Variants in GOLGA4 observed in about 807,000 individuals in gnomAD.
GOLGA4 encodes golgin A4.
A neutral mutation model predicts 265.9 loss-of-function variants in GOLGA4; 169 were observed. The observed-to-expected ratio is 0.64, with a 90% CI of 0.56 to 0.72. The LOEUF is 0.72. Ranked by LOEUF, GOLGA4 falls within the 30% of genes least tolerant of loss-of-function variation. GOLGA4 has a pLI of 0.00. For synonymous variants in GOLGA4, 923 were observed against 855.8 expected (o/e 1.08, Z -1.37); for missense variants, 2,482 against 2,483.4 (o/e 1.00, Z 0.01).
intron 2 of GOLGA4, among the ~76,000 whole-genome samples, chr3:37,257,179 C>T (rs758036923): frequency 7.9e-5 from 12 of 152,098 alleles, no homozygotes; most frequent in Non-Finnish European, 1.8e-4. Context: ...CGATATGTTA[C>T]CTTTTGTGTC....
intron 2 of GOLGA4, among the ~76,000 whole-genome samples, chr3:37,264,407 C>T (rs1233562583): frequency 6.6e-6 from 1 of 152,126 alleles, no homozygotes; most frequent in Non-Finnish European, 1.5e-5. Flanking sequence ...TTTTAGTATA[C>T]TACTAATACT....
At chr3:37,350,716 A>G (rs2097071190) in intron 21 of GOLGA4, among the ~76,000 whole-genome samples, 2 of 152,160 alleles carry the variant, frequency 1.3e-5, no homozygotes, top group South Asian at 4.1e-4. Context: ...AATAAAGCAA[A>G]TCACACAAAT....
chr3:37,299,776 A>C (rs2096887955), intron 9 of GOLGA4, among the ~76,000 whole-genome samples: 1 of 152,148 alleles, frequency 6.6e-6, no homozygotes, highest in African/African-American at 2.4e-5. Context: ...GGGGCTGGGC[A>C]CAGTGGCTCA....
Position 37,282,279 on chromosome 3 carries a change from G to GC in GOLGA4, c.477+8dup. On this transcript the variant is annotated splice_region_variant and intron_variant, in intron 3 of 23. Transcript: ENST00000361924. The stretch of plus-strand genomic sequence containing the variant: ...CAGGGGAAAATATTCTGAGGTAGGA[G>GC]CATGACCTTTTTGCCTGTACAAAAA... 1 of 1,608,766 alleles carries GC rather than the reference G, an allele frequency of 6.2e-7. No homozygotes were observed. The highest frequency in any genetic ancestry group is 8.5e-7 in the Non-Finnish European group (1 of 1,176,134).
intron 5 of GOLGA4, 94 bp from the exon 6 acceptor site, chr3:37,294,885 A>G (rs1394777986): frequency 4.4e-6 from 3 of 683,966 alleles, no homozygotes; most frequent in Non-Finnish European, 7.6e-6. Flanking sequence ...CTTAAGGGGA[A>G]TGCAAATCTG....
intron 2 of GOLGA4, among the ~76,000 whole-genome samples, chr3:37,262,178 A>G (rs1476693729): frequency 1.3e-5 from 2 of 152,220 alleles, no homozygotes; most frequent in Non-Finnish European, 2.9e-5. Flanking sequence ...AAACAAAACT[A>G]GACTAGATGG....
chr3:37,316,890 A>G (rs1328689050), intron 11 of GOLGA4, among the ~76,000 whole-genome samples: 1 of 151,834 alleles, frequency 6.6e-6, no homozygotes, highest in Non-Finnish European at 1.5e-5. Context: ...AACCACATGG[A>G]CAATCCTGAC....
chr3:37,311,067 G>T (rs565489951), intron 10 of GOLGA4, among the ~76,000 whole-genome samples: 3 of 152,166 alleles, frequency 2.0e-5, no homozygotes, highest in East Asian at 3.9e-4. Context: ...ATATTAGTAG[G>T]CTGTGGGCAC....
chr3:37,287,785 A>G (rs1312960801), intron 4 of GOLGA4, among the ~76,000 whole-genome samples: 2 of 152,190 alleles, frequency 1.3e-5, no homozygotes, highest in African/African-American at 2.4e-5. Flanking sequence ...TGGGGAAAAG[A>G]ACTTTGGTTT....
intron 1 of GOLGA4, among the ~76,000 whole-genome samples, chr3:37,248,223 C>T (rs2096724685): frequency 6.6e-6 from 1 of 152,146 alleles, no homozygotes; most frequent in South Asian, 2.1e-4. Context: ...GATCGTCTTG[C>T]CTTGGCCTCT....
intron 5 of GOLGA4, among the ~76,000 whole-genome samples, chr3:37,291,677 G>C (rs2096865058): frequency 6.6e-6 from 1 of 152,162 alleles, no homozygotes; most frequent in South Asian, 2.1e-4. Flanking sequence ...GAAAACTCTG[G>C]ATGCTGCCAA....
rs1200470334 is a variant in GOLGA4 at position 37,337,738 on chromosome 3, C to T, written c.6396+4C>T. ...AGAGCAAGAGTTCAGAGAACAGGTA[C>T]AGGCCTAATTGGTACCTTTTATTTT... is the stretch of plus-strand genomic sequence containing the variant. On this transcript the variant is annotated splice_donor_region_variant and intron_variant, in intron 19 of 23. Coordinates refer to ENST00000361924, the MANE Select transcript of GOLGA4 (RefSeq NM_002078.5). The T allele has an allele frequency of 2.6e-6, 4 of 1,567,906 alleles. No homozygotes were observed. The highest frequency in any genetic ancestry group is 3.5e-6 in the Non-Finnish European group (4 of 1,138,016).
chr3:37,349,252 A>G (rs2097066090), intron 21 of GOLGA4, among the ~76,000 whole-genome samples: 1 of 152,152 alleles, frequency 6.6e-6, no homozygotes, highest in Non-Finnish European at 1.5e-5. Flanking sequence ...TAAGGCGTTC[A>G]CTGTGCAGTA....
intron 12 of GOLGA4, 169 bp from the exon 13 acceptor site, chr3:37,321,562 A>G (rs1465265154): frequency 1.7e-6 from 1 of 593,428 alleles, no homozygotes; most frequent in Non-Finnish European, 2.9e-6. Flanking sequence ...TGGAAAAGCC[A>G]TAGTGCCTTG....
At chr3:37,296,484 C>T (rs2096878657) in intron 7 of GOLGA4, among the ~76,000 whole-genome samples, 1 of 152,090 alleles carries the variant, frequency 6.6e-6, no homozygotes, top group Non-Finnish European at 1.5e-5. Flanking sequence ...GTAGAAGTGT[C>T]CGTGGTCCTA....
At chr3:37,244,097 C>G (rs959430438) in intron 1 of GOLGA4, 2 of 154,660 alleles carry the variant, frequency 1.3e-5, no homozygotes, top group African/African-American at 4.8e-5. Context: ...ACAATTGACC[C>G]TCGACGGAAG....
At chr3:37,360,428 A>G (rs1282107734) in intron 22 of GOLGA4, among the ~76,000 whole-genome samples, 3 of 152,144 alleles carry the variant, frequency 2.0e-5, no homozygotes, top group African/African-American at 4.8e-5. Context: ...TGTGTTGCAC[A>G]TATTATTTTC....
At chr3:37,337,581 A>G (rs979938805) in intron 18 of GOLGA4, 85 bp from the exon 19 acceptor site, 1 of 862,400 alleles carries the variant, frequency 1.2e-6, no homozygotes, top group African/African-American at 1.7e-5. Context: ...AAAAAGACTA[A>G]CAAAAATTTC....
In GOLGA4 at chr3:37,327,679, A is replaced by G; in HGVS notation, c.5793A>G (p.Lys1931=). The change falls in exon 14 of 24, where the codon AAA becomes AAG. Residue 1931 remains lysine (K), a synonymous_variant. Transcript: ENST00000361924. ...CCCAGCACAATGATCTGGAGTTTAA[A>G]TTAGCCGGGGCAGAACGGGAGAAAC... The part of the protein sequence containing the change: ...MEAQHNDLEF[K]LAGAEREKQK... 2.5e-6 allele frequency: 4 copies of G among 1,614,072 alleles called. No homozygotes were observed. The highest frequency in any genetic ancestry group is 3.4e-6 in the Non-Finnish European group (4 of 1,179,938).
Sources: gnomAD v4.1 joint callset for allele counts (sites outside exome capture counted in the v4.1 genomes callset) on GRCh38, gnomAD v4.1.1 for gene constraint, MANE v1.5 for transcripts, NCBI Gene and HGNC (gene_info 2026-07-23, HGNC 2026-07-21) for gene names.